CELF2: variants seen among roughly 807,000 people sequenced by gnomAD.
The protein encoded by CELF2 is CUGBP Elav-like family member 2.
In CELF2, 8 loss-of-function variants were observed where a neutral mutation model predicts 62.6. The observed-to-expected ratio is 0.13, with a 90% CI of 0.07 to 0.23. CELF2 has a LOEUF of 0.23. Among genes scored for constraint, CELF2 ranks in the 10% least tolerant of loss-of-function variants. CELF2 has a pLI of 1.00. For synonymous variants in CELF2, 258 were observed against 250.0 expected (o/e 1.03, Z -0.30); for missense variants, 333 against 671.0 (o/e 0.50, Z 5.56).
At chr10:11,099,542 C>T (rs2050863079) in intron 1 of CELF2, among the ~76,000 whole-genome samples, 1 of 152,146 alleles carries the variant, frequency 6.6e-6, no homozygotes, top group African/African-American at 2.4e-5. Context: ...AGGGGACTAG[C>T]TCATGAGCAT....
Position 10,990,639 on chromosome 10 carries a change from G to A in CELF2, c.89+70640G>A, listed in dbSNP as rs145108376. 9.3e-4 allele frequency among the ~76,000 whole-genome samples: 142 copies of A among 152,268 alleles called. No homozygotes were observed. The highest frequency in any genetic ancestry group is 3.2e-3 in the African/African-American group (132 of 41,568). On this transcript the variant is annotated intron_variant, in intron 2 of 13. Transcript: ENST00000636488. This position sits in a 1 kb window ranked among gnomAD's most constrained non-coding sequence, Gnocchi z 4.6. The stretch of plus-strand genomic sequence containing the variant: ...CAGTGGCAATTCAGTGTATTTCATA[G>A]ATAAGTTTCATTTGTAGCAAGATGC...
the CELF2 span, among the ~76,000 whole-genome samples, chr10:10,778,051 A>G: frequency 6.6e-6 from 1 of 152,332 alleles, no homozygotes; most frequent in African/African-American, 2.4e-5. Context: ...CACTGGTGCA[A>G]TCAGGTTCGG....
chr10:10,729,318 G>T, the CELF2 span, among the ~76,000 whole-genome samples: 1 of 152,156 alleles, frequency 6.6e-6, no homozygotes, highest in African/African-American at 2.4e-5. Context: ...CATGGTAAGA[G>T]AAATACAGCG....
the CELF2 span, among the ~76,000 whole-genome samples, chr10:10,656,415 T>C: frequency 2.5e-4 from 33 of 133,804 alleles, no homozygotes; most frequent in Non-Finnish European, 4.4e-4. Context: ...TAAAGACACA[T>C]GCACATGTAT....
chr10:11,284,228 A>G (rs2090252064), intron 8 of CELF2, among the ~76,000 whole-genome samples: 1 of 26,178 alleles, frequency 3.8e-5, no homozygotes, highest in Admixed American at 4.7e-4. Context: ...TGGTGGGTGG[A>G]TGAGGGATGG....
At chr10:10,623,835 C>A in the CELF2 span, among the ~76,000 whole-genome samples, 1 of 152,018 alleles carries the variant, frequency 6.6e-6, no homozygotes, top group Non-Finnish European at 1.5e-5. Flanking sequence ...TTTATTATAC[C>A]CAACTTACAG....
chr10:10,582,772 A>G, the CELF2 span, among the ~76,000 whole-genome samples: 1 of 152,208 alleles, frequency 6.6e-6, no homozygotes, highest in Non-Finnish European at 1.5e-5. Context: ...AATAAAGGGA[A>G]GAATTGGAGC....
chr10:11,325,145 C>T (rs2095655605), intron 11 of CELF2, among the ~76,000 whole-genome samples: 1 of 152,292 alleles, frequency 6.6e-6, no homozygotes, highest in South Asian at 2.1e-4. Flanking sequence ...GATAGGTGGA[C>T]GGGCAGAGCT....
the CELF2 span, among the ~76,000 whole-genome samples, chr10:10,597,442 G>C: frequency 6.6e-6 from 1 of 152,202 alleles, no homozygotes; most frequent in Middle Eastern, 3.4e-3. Context: ...TGTGGACAGA[G>C]TCCTCAAAGT....
intron 1 of CELF2, among the ~76,000 whole-genome samples, chr10:10,867,859 CT>C (rs35642245): frequency 6.6e-6 from 1 of 152,182 alleles, no homozygotes; most frequent in Admixed American, 6.5e-5. Flanking sequence ...ATGTAGTGAC[CT>C]TTTTTGCTGG....
At chr10:11,132,909 C>T (rs367901366) in intron 1 of CELF2, among the ~76,000 whole-genome samples, 8 of 152,200 alleles carry the variant, frequency 5.3e-5, no homozygotes, top group East Asian at 3.9e-4. Flanking sequence ...GGATAAATAA[C>T]GATTCAGGAT....
chr10:11,320,954 C>T (rs768773973), intron 10 of CELF2: 4 of 1,537,252 alleles, frequency 2.6e-6, no homozygotes, highest in South Asian at 1.2e-5. Context: ...ACTCGTGCCA[C>T]AGTGCATTTG....
the CELF2 span, among the ~76,000 whole-genome samples, chr10:10,600,749 T>G: frequency 6.6e-6 from 1 of 152,188 alleles, no homozygotes; most frequent in African/African-American, 2.4e-5. Context: ...AAGAATTTTA[T>G]GTCAAGCTCA....
chr10:11,188,911 T>C (rs989401103), intron 2 of CELF2, among the ~76,000 whole-genome samples: 2 of 152,202 alleles, frequency 1.3e-5, no homozygotes, highest in Admixed American at 6.5e-5. Flanking sequence ...GTTAATCCCA[T>C]CCAGTGTTTT....
chr10:10,815,919 T>TG (rs2056420348), intron 1 of CELF2, among the ~76,000 whole-genome samples: 1 of 151,210 alleles, frequency 6.6e-6, no homozygotes, highest in African/African-American at 2.4e-5. Flanking sequence ...TTTTTTTTTT[T>TG]GCCCCATAAA....
intron 1 of CELF2, among the ~76,000 whole-genome samples, chr10:10,916,141 A>G (rs1422227180): frequency 6.6e-6 from 1 of 152,238 alleles, no homozygotes; most frequent in Non-Finnish European, 1.5e-5. Flanking sequence ...TAAATTCATG[A>G]AAACATGTCA....
At chr10:10,781,176 G>A in the CELF2 span, among the ~76,000 whole-genome samples, 1 of 152,144 alleles carries the variant, frequency 6.6e-6, no homozygotes, top group African/African-American at 2.4e-5. Context: ...ATGGCATTTT[G>A]GTCAACAACA....
chr10:11,085,762 G>A (rs541996805), intron 1 of CELF2, among the ~76,000 whole-genome samples: 2 of 152,344 alleles, frequency 1.3e-5, no homozygotes, highest in East Asian at 3.9e-4. Flanking sequence ...GTCAGAAGCA[G>A]TTTTTATAAT....
chr10:11,233,249 T>C (rs1044182796), intron 3 of CELF2, among the ~76,000 whole-genome samples: 4 of 152,160 alleles, frequency 2.6e-5, no homozygotes, highest in African/African-American at 9.7e-5. Flanking sequence ...AAAAGACACC[T>C]TACGCCATGG....
Sources: gnomAD v4.1 joint callset for allele counts (sites outside exome capture counted in the v4.1 genomes callset) on GRCh38, gnomAD v4.1.1 for gene constraint, Gnocchi (gnomAD v3.1) non-coding constraint, MANE v1.5 for transcripts, NCBI Gene and HGNC (gene_info 2026-07-23, HGNC 2026-07-21) for gene names.